Variants in TENM1 observed in about 807,000 individuals in gnomAD.
The protein encoded by TENM1 is teneurin-1.
Under a neutral mutation model 174.8 loss-of-function variants are expected in TENM1, and 35 were observed. The observed-to-expected ratio is 0.20, with a 90% confidence interval of 0.15 to 0.27. The LOEUF (loss-of-function observed/expected upper bound fraction) is 0.27. Ranked by LOEUF, TENM1 falls within the 10% of genes least tolerant of loss-of-function variation. The pLI is 1.00. For synonymous variants in TENM1, 781 were observed against 798.7 expected, an observed-to-expected ratio of 0.98 and a Z score of 0.37; for missense variants, 1,633 against 2,130.1, an observed-to-expected ratio of 0.77 and a Z score of 4.59.
chrX:124,939,523 C>T (rs907469414), intron 1 of TENM1, among the ~76,000 whole-genome samples: 1 of 111,369 alleles, frequency 9.0e-6, no homozygotes, highest in African/African-American at 3.3e-5. Flanking sequence ...AGGAACGTGG[C>T]CCTCAATTCG....
In TENM1 at chrX:124,380,553, C is replaced by T. The variant is rs765774675; in HGVS notation, c.8182G>A (p.Glu2728Lys). 2.3e-5 allele frequency: 27 copies of T among 1,195,499 alleles called. No individual in the cohort carries two copies. The South Asian group carries it at 2.4e-4, about 11-fold the overall frequency. ...TATTTTTGTTACCTCCTGCCTATTT[C>T]GCTCTGTCTCATAAAGTGAATATTA... The change falls in exon 32 of 32, where the codon GAA becomes AAA. Residue 2728 changes from glutamate to lysine, a missense_variant. By Grantham distance (56) the Glu-to-Lys change is moderately conservative (BLOSUM62 1). Coordinates refer to ENST00000422452, the Ensembl canonical transcript of TENM1.
intron 5 of TENM1, among the ~76,000 whole-genome samples, chrX:124,699,266 G>C (rs1446073496): frequency 9.1e-6 from 1 of 110,144 alleles, no homozygotes; most frequent in Non-Finnish European, 1.9e-5. Context: ...GATTCTTACT[G>C]TTCTAAAATG....
chrX:125,172,146 C>A, the TENM1 span, among the ~76,000 whole-genome samples: 1 of 111,453 alleles, frequency 9.0e-6, no homozygotes, highest in South Asian at 3.7e-4. Context: ...GCTGTTAGGA[C>A]TTTTAAAAAT....
intron 3 of TENM1, among the ~76,000 whole-genome samples, chrX:124,849,927 A>G (rs1297346315): frequency 9.0e-6 from 1 of 111,595 alleles, no homozygotes; most frequent in Admixed American, 9.5e-5. Flanking sequence ...GAACTCTATA[A>G]ATCACTTTCT....
intron 22 of TENM1, among the ~76,000 whole-genome samples, chrX:124,476,393 G>A (rs746986473): frequency 8.0e-5 from 9 of 111,810 alleles, no homozygotes; most frequent in Admixed American, 1.9e-4. Flanking sequence ...GATGAATCCC[G>A]TAAGGTTAGT....
At chrX:124,524,144 G>C (rs1308847690) in intron 16 of TENM1, among the ~76,000 whole-genome samples, 1 of 110,890 alleles carries the variant, frequency 9.0e-6, no homozygotes, top group African/African-American at 3.3e-5. Flanking sequence ...CCAAAGTGCT[G>C]GGATTACAGG....
chrX:124,626,915 T>G (rs999232176), intron 11 of TENM1, among the ~76,000 whole-genome samples: 1 of 112,585 alleles, frequency 8.9e-6, no homozygotes, highest in African/African-American at 3.2e-5. Context: ...TCTAGCCTGG[T>G]GGCAAACATT....
chrX:125,044,993 T>G, the TENM1 span, among the ~76,000 whole-genome samples: 8 of 111,318 alleles, frequency 7.2e-5, no homozygotes, highest in East Asian at 2.3e-3. Flanking sequence ...ACTGAGAAAT[T>G]TATAAAGGAA....
At chrX:125,089,323 T>C in the TENM1 span, among the ~76,000 whole-genome samples, 4 of 112,288 alleles carry the variant, frequency 3.6e-5, no homozygotes, top group African/African-American at 1.3e-4. Flanking sequence ...CAGATCATTT[T>C]AAGATTGCTG....
At chrX:125,004,220 C>T in the TENM1 span, among the ~76,000 whole-genome samples, 2 of 111,672 alleles carry the variant, frequency 1.8e-5, no homozygotes, top group Non-Finnish European at 3.8e-5. Flanking sequence ...GAACCCACTC[C>T]GAGCATTTCT....
chrX:124,920,143 TA>T (rs953906637), intron 1 of TENM1, among the ~76,000 whole-genome samples: 1 of 111,884 alleles, frequency 8.9e-6, no homozygotes, highest in African/African-American at 3.2e-5. Context: ...CCTCATTCCC[TA>T]AACATCATGC....
the TENM1 span, among the ~76,000 whole-genome samples, chrX:125,034,021 G>A: frequency 9.0e-6 from 1 of 111,484 alleles, no homozygotes; most frequent in African/African-American, 3.3e-5. Flanking sequence ...ACAACACTGT[G>A]AGACAGACAG....
chrX:124,383,597 C>T, intron 30 of TENM1, 37 bp downstream of exon 33: 1 of 1,142,339 alleles, frequency 8.8e-7, no homozygotes, highest in East Asian at 3.0e-5. Context: ...TACTGAGTTA[C>T]TCAAGTTTAG....
the TENM1 span, among the ~76,000 whole-genome samples, chrX:125,139,868 A>ACG: frequency 0.33 from 26,872 of 80,251 alleles, 3,962 homozygotes; most frequent in East Asian, 0.44. Context: ...GGAGAGAGAG[A>ACG]GAGAGAGAGA....
chrX:124,638,892 T>G (rs1006102723), intron 11 of TENM1, among the ~76,000 whole-genome samples: 1 of 111,462 alleles, frequency 9.0e-6, no homozygotes, highest in Non-Finnish European at 1.9e-5. Context: ...TTACCCTGTC[T>G]CTTTTCTCTA....
At chrX:124,464,730 G>A (rs763323985) in intron 22 of TENM1, among the ~76,000 whole-genome samples, 98 of 112,067 alleles carry the variant, frequency 8.7e-4, no homozygotes, top group Non-Finnish European at 1.1e-3. Context: ...GCACAAATAT[G>A]ACAGCGGAAC....
chrX:125,065,030 A>G, the TENM1 span, among the ~76,000 whole-genome samples: 2 of 112,264 alleles, frequency 1.8e-5, no homozygotes, highest in African/African-American at 6.5e-5. Flanking sequence ...GAAATTGAAA[A>G]CAAGTGGGAT....
At position 124,861,583 on chromosome X, in the gene TENM1, T is replaced by C. The variant is rs1439947793; in HGVS notation, c.535+32713A>G. On this transcript the variant is annotated intron_variant, in intron 3 of 31. Coordinates refer to ENST00000422452, the Ensembl canonical transcript of TENM1. ...AAACTTTGATGGGATTGATTGATCA[T>C]TCTAATTGGAATGCTTTCTAAAAAA... Among the ~76,000 whole-genome samples, 3 of 112,228 alleles carry C rather than the reference T, an allele frequency of 2.7e-5. No homozygotes were observed. In the East Asian group the frequency reaches 8.4e-4, roughly 31 times the overall value.
intron 3 of TENM1, among the ~76,000 whole-genome samples, chrX:124,794,247 G>A (rs2055251494): frequency 9.0e-6 from 1 of 111,423 alleles, no homozygotes; most frequent in African/African-American, 3.3e-5. Context: ...GTCAGTAGCA[G>A]GCTAACTATG....
Sources: allele counts gnomAD v4.1 joint callset (sites outside exome capture counted in the v4.1 genomes callset), GRCh38; gene constraint gnomAD v4.1.1; transcripts MANE v1.5; gene names NCBI Gene and HGNC (gene_info 2026-07-23, HGNC 2026-07-21).